The following INPP5A variants were observed in gnomAD, a reference collection of about 807,000 sequenced individuals.
INPP5A encodes inositol polyphosphate-5-phosphatase A, also known as 43 kDa inositol polyphosphate 5-phophatase.
A neutral mutation model predicts 65.2 loss-of-function variants in INPP5A; 14 were observed. The ratio of observed to expected loss-of-function variants is 0.21; its 90% confidence interval spans 0.14 to 0.34. INPP5A has a LOEUF of 0.34. INPP5A is among the 10% of genes least tolerant of loss of function. The probability of loss-of-function intolerance (pLI) is 1.00; values close to 1 mark genes in which losing one functional copy is unlikely to be tolerated. For missense variants in INPP5A, 431 were observed against 545.6 expected, an observed-to-expected ratio of 0.79 and a Z score of 2.09; for synonymous variants, 207 against 208.3, an observed-to-expected ratio of 0.99 and a Z score of 0.05.
chr10:132,607,822 T>G (rs563780429), intron 1 of INPP5A, 93 bp from the exon 2 acceptor site: 6 of 1,271,514 alleles, frequency 4.7e-6, no homozygotes, highest in South Asian at 1.2e-5. Flanking sequence ...CCTCTGCTCC[T>G]GCCCCACGTT....
intron 9 of INPP5A, among the ~76,000 whole-genome samples, chr10:132,738,735 T>C (rs919260381): frequency 9.9e-5 from 15 of 152,202 alleles, no homozygotes; most frequent in African/African-American, 2.2e-4. Flanking sequence ...AGAGTCTTTA[T>C]AGCATGTTGT....
chr10:132,558,234 C>T (rs903626258), intron 1 of INPP5A, among the ~76,000 whole-genome samples: 4 of 152,184 alleles, frequency 2.6e-5, no homozygotes, highest in Admixed American at 6.5e-5. Flanking sequence ...CCAAGGGCCA[C>T]GCAGAGCCGC....
At chr10:132,691,235 G>A (rs1215171596) in intron 5 of INPP5A, among the ~76,000 whole-genome samples, 1 of 152,216 alleles carries the variant, frequency 6.6e-6, no homozygotes, top group Admixed American at 6.5e-5. Context: ...GATGACGAGA[G>A]CAAGATTCTG....
At chr10:132,541,774 G>GA (rs565155325) in intron 1 of INPP5A, among the ~76,000 whole-genome samples, 292 of 152,334 alleles carry the variant, frequency 1.9e-3, no homozygotes, top group Admixed American at 3.3e-3. Flanking sequence ...GTCAACCTGT[G>GA]AAAAGGCCTC....
chr10:132,568,289 G>A (rs1445218009), intron 1 of INPP5A, among the ~76,000 whole-genome samples: 1 of 151,808 alleles, frequency 6.6e-6, no homozygotes, highest in Admixed American at 6.6e-5. Context: ...GGGTTCCTAT[G>A]TGTTTCTCTG....
intron 12 of INPP5A, among the ~76,000 whole-genome samples, chr10:132,774,731 C>T (rs1847015776): frequency 6.6e-6 from 1 of 151,932 alleles, no homozygotes; most frequent in Non-Finnish European, 1.5e-5. Context: ...CAGGGCCAGT[C>T]AGCCTGGCCA....
intron 2 of INPP5A, among the ~76,000 whole-genome samples, chr10:132,627,000 G>C (rs1040902314): frequency 2.6e-5 from 4 of 152,176 alleles, no homozygotes; most frequent in South Asian, 2.1e-4. Context: ...ATGGTATTGA[G>C]GGGGGTGGGC....
intron 1 of INPP5A, among the ~76,000 whole-genome samples, chr10:132,554,080 C>T (rs1333794151): frequency 6.6e-6 from 1 of 151,552 alleles, no homozygotes; most frequent in East Asian, 1.9e-4. Context: ...TGGTGAACAC[C>T]TTCTCAGAGC....
rs1241547091 is a variant in INPP5A at position 132,705,817 on chromosome 10, G to A, written c.475-2496G>A. The stretch of plus-strand genomic sequence containing the variant: ...CCAGACCTTTTACAATGCTGGGTGG[G>A]GTGGCCATGGAACTGCACAGGTGAG... On this transcript the variant is annotated intron_variant, in intron 6 of 15. Coordinates refer to ENST00000368594, the MANE Select transcript of INPP5A (RefSeq NM_005539.5). The surrounding 1 kb of genome is among the most constrained non-coding windows in gnomAD (Gnocchi z 4.9). Among the ~76,000 whole-genome samples the A allele has an allele frequency of 6.6e-6, 1 of 152,112 alleles. No homozygotes were observed. The highest frequency in any genetic ancestry group is 1.5e-5 in the Non-Finnish European group (1 of 68,026).
At chr10:132,591,487 AG>A (rs1386852028) in intron 1 of INPP5A, among the ~76,000 whole-genome samples, 1 of 152,248 alleles carries the variant, frequency 6.6e-6, no homozygotes, top group Non-Finnish European at 1.5e-5. Context: ...ATGGACTCAA[AG>A]CTTTTGTTCG....
chr10:132,608,093 C>T (rs1238777679), intron 2 of INPP5A, 137 bp downstream of exon 2: 17 of 763,916 alleles, frequency 2.2e-5, no homozygotes, highest in Non-Finnish European at 3.8e-5. Context: ...CTCTCGGCTC[C>T]GCTGCCTGTG....
At chr10:132,673,264 A>G (rs1243146191) in intron 4 of INPP5A, among the ~76,000 whole-genome samples, 1 of 152,156 alleles carries the variant, frequency 6.6e-6, no homozygotes, top group African/African-American at 2.4e-5. Context: ...CTCTGGAACT[A>G]ATAACGCTAG....
rs916224590 is a variant in INPP5A, at chr10:132,637,263, A to G, written c.118-8605A>G. Among the ~76,000 whole-genome samples, 1 of 152,170 alleles carries G rather than the reference A, an allele frequency of 6.6e-6. No homozygotes were observed. The highest frequency in any genetic ancestry group is 1.5e-5 in the Non-Finnish European group (1 of 68,028). ...TGGAGGCCATGAGGATCTTATCTTT[A>G]TCTTTGAAATCTTGGAGTTGATTAC... On this transcript the variant is annotated intron_variant, in intron 2 of 15. Coordinates refer to ENST00000368594, the MANE Select transcript of INPP5A (RefSeq NM_005539.5). This position sits in a 1 kb window ranked among gnomAD's most constrained non-coding sequence, Gnocchi z 4.1.
At chr10:132,628,468 G>GC (rs1435413486) in intron 2 of INPP5A, among the ~76,000 whole-genome samples, 1 of 148,970 alleles carries the variant, frequency 6.7e-6, no homozygotes, top group Non-Finnish European at 1.5e-5. Context: ...GGTGGCGGGG[G>GC]GGGGGGGGGG....
chr10:132,746,455 C>G (rs1163487786), intron 9 of INPP5A, among the ~76,000 whole-genome samples: 3 of 152,216 alleles, frequency 2.0e-5, no homozygotes, highest in Admixed American at 2.0e-4. Context: ...TGCCATGCAG[C>G]TCCGTGCACA....
chr10:132,752,433 T>TCTAGA (rs1846504166), intron 11 of INPP5A, among the ~76,000 whole-genome samples: 1 of 51,852 alleles, frequency 1.9e-5, no homozygotes. Flanking sequence ...GAGGGGCGTG[T>TCTAGA]GATGTGGAGG....
chr10:132,690,418 T>C lies in INPP5A; in HGVS notation c.333T>C (p.His111=). The change falls in exon 5 of 16, where the codon CAT becomes CAC. Residue 111 remains histidine (H), a synonymous_variant. Coordinates refer to ENST00000368594, the MANE Select transcript of INPP5A (RefSeq NM_005539.5). ...CACTAGGAAGCTTTTATTTTCTTCA[T>C]GAGTCCTTAAAAAACATCTACCAGT... The part of the protein sequence containing the change: ...FTALGSFYFL[H]ESLKNIYQFD... 6.2e-7 allele frequency: 1 copy of C among 1,612,616 alleles called. No homozygotes were observed. The highest frequency in any genetic ancestry group is 1.3e-5 in the African/African-American group (1 of 75,032).
Position 132,783,438 on chromosome 10 carries a change from C to T in INPP5A, c.*1409C>T, listed in dbSNP as rs1466011598. 1 of 152,410 alleles carries T rather than the reference C, an allele frequency of 6.6e-6. No homozygotes were observed. Among genetic ancestry groups the T allele is most frequent in the Non-Finnish European group, 1.5e-5 (1 of 68,040 alleles). The allele number at this position is 152,410 out of a possible 1,614,324, so 9.4% of individuals were successfully genotyped here. On this transcript the variant is annotated 3_prime_UTR_variant, in exon 16 of 16. Coordinates refer to ENST00000368594, the MANE Select transcript of INPP5A (RefSeq NM_005539.5). ...CGTTCTGAGGGGCCTTTGGAAGTGACCGGTCTGGTTCCTAAGCAATAAAAT... is the reference window on the plus strand; with the variant it reads ...CGTTCTGAGGGGCCTTTGGAAGTGATCGGTCTGGTTCCTAAGCAATAAAAT...
At chr10:132,773,434 G>A (rs984526940) in intron 12 of INPP5A, among the ~76,000 whole-genome samples, 7 of 152,172 alleles carry the variant, frequency 4.6e-5, no homozygotes, top group African/African-American at 1.4e-4. Flanking sequence ...ACCAGAGGTC[G>A]TCTCTCTTTA....
Sources: allele counts gnomAD v4.1 joint callset (sites outside exome capture counted in the v4.1 genomes callset), GRCh38; gene constraint gnomAD v4.1.1; non-coding constraint Gnocchi (gnomAD v3.1); transcripts MANE v1.5; gene names NCBI Gene and HGNC (gene_info 2026-07-23, HGNC 2026-07-21).